SLC2A13: variants seen among roughly 807,000 people sequenced by gnomAD.
The protein encoded by SLC2A13 is solute carrier family 2 member 13.
In SLC2A13, 32 loss-of-function variants were observed where a neutral mutation model predicts 64.4. That is an observed-to-expected ratio of 0.50 (90% CI 0.37 to 0.67). The LOEUF (loss-of-function observed/expected upper bound fraction) is 0.67, where lower values mean the gene tolerates loss of function less well. SLC2A13 is among the 30% of genes least tolerant of loss of function. The probability of loss-of-function intolerance (pLI) is 0.00; values close to 1 mark genes in which losing one functional copy is unlikely to be tolerated. For missense variants in SLC2A13, 743 were observed against 829.2 expected (o/e 0.90, Z 1.28); for synonymous variants, 338 against 327.1 (o/e 1.03, Z -0.36).
chr12:39,806,892 A>G (rs1259986830), intron 7 of SLC2A13, among the ~76,000 whole-genome samples: 1 of 152,190 alleles, frequency 6.6e-6, no homozygotes, highest in African/African-American at 2.4e-5. Context: ...CTACTCAGCA[A>G]TAAGAAGGTG....
intron 6 of SLC2A13, among the ~76,000 whole-genome samples, chr12:39,854,350 A>G (rs1044177940): frequency 2.6e-5 from 4 of 152,196 alleles, no homozygotes; most frequent in Admixed American, 2.6e-4. Context: ...CTTAGTTAAC[A>G]GAAACTATTA....
At chr12:39,922,973 A>G (rs754126237) in intron 4 of SLC2A13, among the ~76,000 whole-genome samples, 2 of 152,218 alleles carry the variant, frequency 1.3e-5, no homozygotes, top group Non-Finnish European at 2.9e-5. Flanking sequence ...AAAAATGAAG[A>G]ATAATTGAAA....
intron 6 of SLC2A13, among the ~76,000 whole-genome samples, chr12:39,847,145 T>A (rs138160357): frequency 1.3e-5 from 2 of 152,296 alleles, no homozygotes; most frequent in East Asian, 3.9e-4. Context: ...GAGAACTAAA[T>A]CGTGAAAGTA....
intron 6 of SLC2A13, among the ~76,000 whole-genome samples, chr12:39,858,128 A>G (rs924959449): frequency 2.0e-5 from 3 of 152,208 alleles, no homozygotes; most frequent in African/African-American, 7.2e-5. Flanking sequence ...GTATCCTTCC[A>G]TGACAGGTGG....
intron 4 of SLC2A13, among the ~76,000 whole-genome samples, chr12:39,887,316 G>A (rs1336529395): frequency 7.2e-5 from 11 of 152,206 alleles, no homozygotes; most frequent in Non-Finnish European, 1.5e-4. Context: ...TGGGCAGCCA[G>A]TCTGTTACAA....
intron 4 of SLC2A13, among the ~76,000 whole-genome samples, chr12:39,874,568 T>TGTGC (rs1944133237): frequency 7.5e-6 from 1 of 133,140 alleles, no homozygotes; most frequent in African/African-American, 2.9e-5. Context: ...TGAGCCAAGA[T>TGTGC]CACACCATTG....
chr12:39,944,793 T>C (rs751628177), intron 4 of SLC2A13, among the ~76,000 whole-genome samples: 10 of 152,226 alleles, frequency 6.6e-5, no homozygotes, highest in Non-Finnish European at 1.5e-4. Context: ...TTATGCATTC[T>C]GCAGTTCTGT....
chr12:40,049,622 A>G (rs771218124), intron 1 of SLC2A13, among the ~76,000 whole-genome samples: 100 of 152,138 alleles, frequency 6.6e-4, no homozygotes, highest in Non-Finnish European at 1.3e-3. Flanking sequence ...AATGTTTTGG[A>G]CTTCAAGGTA....
chr12:39,780,117 C>T (rs1020435125), intron 7 of SLC2A13, among the ~76,000 whole-genome samples: 2 of 152,106 alleles, frequency 1.3e-5, no homozygotes, highest in East Asian at 1.9e-4. Context: ...AGAGACTTAC[C>T]GTATACAAAA....
chr12:39,758,951 A>ATT lies in SLC2A13; in HGVS notation c.*1073_*1074dup, dbSNP rs1202620773. 1 of 152,320 alleles carries ATT rather than the reference A, an allele frequency of 6.6e-6. No individual in the cohort carries two copies. The highest frequency in any genetic ancestry group is 1.9e-4 in the East Asian group (1 of 5,174). The allele number at this position is 152,320 out of a possible 1,614,324, so 9.4% of individuals were successfully genotyped here. On this transcript the variant is annotated 3_prime_UTR_variant, in exon 10 of 10. Transcript: ENST00000280871. ...AAAAAGTTAAGAAAAAAGTCCCATT[A>ATT]TTTTTATTAAACAAACACCAATAAC... is the stretch of plus-strand genomic sequence containing the variant.
At chr12:39,839,261 C>T (rs908749543) in intron 6 of SLC2A13, among the ~76,000 whole-genome samples, 3 of 151,992 alleles carry the variant, frequency 2.0e-5, no homozygotes, top group Non-Finnish European at 4.4e-5. Flanking sequence ...TATATCAGTA[C>T]TGAAAACAAC....
At chr12:39,937,464 C>A (rs1461837725) in intron 4 of SLC2A13, among the ~76,000 whole-genome samples, 2 of 152,174 alleles carry the variant, frequency 1.3e-5, no homozygotes, top group Non-Finnish European at 2.9e-5. Flanking sequence ...GGACAAGGTT[C>A]TGCTTTATTG....
chr12:39,887,663 G>A (rs975302255), intron 4 of SLC2A13, among the ~76,000 whole-genome samples: 12 of 152,114 alleles, frequency 7.9e-5, no homozygotes, highest in African/African-American at 2.7e-4. Flanking sequence ...CATCGCTTAG[G>A]TTAGTTATTC....
rs138058170 is a variant in SLC2A13, at chr12:40,091,892, C to G, written c.556+13361G>C. Among the ~76,000 whole-genome samples the G allele has an allele frequency of 2.5e-3, 386 of 152,276 alleles. 2 individuals carry two copies. Among genetic ancestry groups the G allele is most frequent in the African/African-American group, 8.8e-3 (364 of 41,560 alleles). Reference sequence around the variant, plus strand: ...TTTCTGAGCATGTGCTAATAAGCAGCAGGAATTACGTTTAACTTTTAACAG... The same window carrying G: ...TTTCTGAGCATGTGCTAATAAGCAGGAGGAATTACGTTTAACTTTTAACAG... On this transcript the variant is annotated intron_variant, in intron 1 of 9. Transcript: ENST00000280871.
intron 7 of SLC2A13, among the ~76,000 whole-genome samples, chr12:39,800,475 G>A (rs1941749588): frequency 7.4e-6 from 1 of 135,420 alleles, no homozygotes; most frequent in Non-Finnish European, 1.6e-5. Flanking sequence ...CATTTATGCA[G>A]CCAAAAAACA....
intron 1 of SLC2A13, among the ~76,000 whole-genome samples, chr12:40,089,699 G>A (rs1938698392): frequency 6.6e-6 from 1 of 152,034 alleles, no homozygotes. Context: ...CTCTAAGAGT[G>A]GATTAACGGC....
chr12:40,088,772 AG>A (rs1565622780), intron 1 of SLC2A13, among the ~76,000 whole-genome samples: 3 of 152,336 alleles, frequency 2.0e-5, no homozygotes. Flanking sequence ...GAAGGGGCTG[AG>A]ACCCTAAGCT....
intron 7 of SLC2A13, among the ~76,000 whole-genome samples, chr12:39,777,263 A>C (rs1254861673): frequency 6.6e-6 from 1 of 152,250 alleles, no homozygotes; most frequent in Non-Finnish European, 1.5e-5. Context: ...AGGCAGGGAA[A>C]TAGTCAATTG....
At chr12:39,874,651 G>C in intron 4 of SLC2A13, among the ~76,000 whole-genome samples, 1 of 150,076 alleles carries the variant, frequency 6.7e-6, no homozygotes, top group East Asian at 1.9e-4. Context: ...ATACAAATGA[G>C]AAGTATGATG....
Sources: gnomAD v4.1 joint callset for allele counts (sites outside exome capture counted in the v4.1 genomes callset) on GRCh38, gnomAD v4.1.1 for gene constraint, MANE v1.5 for transcripts, NCBI Gene and HGNC (gene_info 2026-07-23, HGNC 2026-07-21) for gene names.